SNX29: variants seen among roughly 807,000 people sequenced by gnomAD.
SNX29 encodes the protein sorting nexin 29.
In SNX29, 78 loss-of-function variants were observed where a neutral mutation model predicts 102.1. The ratio of observed to expected loss-of-function variants is 0.76; its 90% CI spans 0.64 to 0.92. The LOEUF is 0.92. SNX29 is among the 40% of genes least tolerant of loss of function. The probability of loss-of-function intolerance (pLI) is 0.00; values close to 1 mark genes in which losing one functional copy is unlikely to be tolerated. For synonymous variants in SNX29, 580 were observed against 414.5 expected, an observed-to-expected ratio of 1.40 and a Z score of -4.85; for missense variants, 1,280 against 1,061.7, an observed-to-expected ratio of 1.21 and a Z score of -2.86.
chr16:12,560,133 C>CCT (rs1212079832), intron 20 of SNX29, among the ~76,000 whole-genome samples: 1 of 102,532 alleles, frequency 9.8e-6, no homozygotes, highest in African/African-American at 3.7e-5. Flanking sequence ...TCTGTGTTCC[C>CCT]CTCCCCCCCC....
At chr16:12,457,785 A>G (rs1331545550) in intron 18 of SNX29, among the ~76,000 whole-genome samples, 1 of 152,188 alleles carries the variant, frequency 6.6e-6, no homozygotes, top group Non-Finnish European at 1.5e-5. Context: ...ATTGAATGCT[A>G]TCTTACGGGC....
At position 12,570,651 on chromosome 16, in the gene SNX29, T is replaced by C; in HGVS notation, c.*2022T>C. ...AAAGGAACCTCCCCCATCTGTGACATTCCCTTGGGCCCAGGCTTATGACCT... is the reference window on the plus strand; with the variant it reads ...AAAGGAACCTCCCCCATCTGTGACACTCCCTTGGGCCCAGGCTTATGACCT... On this transcript the variant is annotated 3_prime_UTR_variant, in exon 21 of 21. Transcript: ENST00000566228. 1 of 231,138 alleles carries C rather than the reference T, an allele frequency of 4.3e-6. No individual in the cohort carries two copies. Among genetic ancestry groups the C allele is most frequent in the Non-Finnish European group, 8.6e-6 (1 of 116,784 alleles). The allele number at this position is 231,138 out of a possible 1,614,324, so 14.3% of individuals were successfully genotyped here. A position where few individuals can be genotyped will look rare whatever the true frequency, so the allele number is the denominator to read the frequency against.
chr16:12,398,347 G>A (rs2030376914), intron 16 of SNX29, 99 bp from the exon 17 acceptor site: 2 of 1,302,740 alleles, frequency 1.5e-6, no homozygotes, highest in South Asian at 1.2e-5. Flanking sequence ...AATAGGAAAT[G>A]TTCAGGGATC....
chr16:12,431,434 C>CTTCTTCTTTTTTTT (rs779738786), intron 18 of SNX29, among the ~76,000 whole-genome samples: 2 of 136,952 alleles, frequency 1.5e-5, no homozygotes, highest in African/African-American at 5.4e-5. Flanking sequence ...TCTTCTTCTT[C>CTTCTTCTTTTTTTT]TTTTTTTTTT....
At chr16:12,549,788 G>C (rs2077850321) in intron 20 of SNX29, among the ~76,000 whole-genome samples, 2 of 152,240 alleles carry the variant, frequency 1.3e-5, no homozygotes, top group African/African-American at 2.4e-5. Context: ...TCTACTTGCA[G>C]ACAAGGCCCA....
intron 15 of SNX29, among the ~76,000 whole-genome samples, chr16:12,340,183 C>T (rs2081571529): frequency 6.6e-6 from 1 of 152,212 alleles, no homozygotes; most frequent in Non-Finnish European, 1.5e-5. Flanking sequence ...TCTCCATCCT[C>T]CTCCCCTTCT....
chr16:12,508,792 T>A (rs2151912171), intron 19 of SNX29, among the ~76,000 whole-genome samples: 1 of 152,302 alleles, frequency 6.6e-6, no homozygotes, highest in African/African-American at 2.4e-5. Context: ...CTCTCCTGGC[T>A]GGCTCTGAAG....
chr16:12,570,583 TG>T lies in SNX29; in HGVS notation c.*1957del. 8.6e-6 allele frequency: 2 copies of T among 232,232 alleles called. No homozygotes were observed. Among genetic ancestry groups the T allele is most frequent in the Non-Finnish European group, 1.7e-5 (2 of 117,436 alleles). 14.4% of individuals were successfully genotyped at this position (232,232 alleles called of 1,614,324 possible). ...CTGTCTCAGGAGTGCCTCCCTGGCCTGGGTAGCTACCCTGGAGGTCATCTCC... is the reference window on the plus strand; with the variant it reads ...CTGTCTCAGGAGTGCCTCCCTGGCCTGGTAGCTACCCTGGAGGTCATCTCC... On this transcript the variant is annotated 3_prime_UTR_variant, in exon 21 of 21. Coordinates refer to ENST00000566228, the MANE Select transcript of SNX29 (RefSeq NM_032167.5).
intron 8 of SNX29, among the ~76,000 whole-genome samples, chr16:12,060,045 T>A (rs1335214094): frequency 6.6e-6 from 1 of 152,208 alleles, no homozygotes; most frequent in African/African-American, 2.4e-5. Flanking sequence ...CAGAATGATG[T>A]TTAAACCTTA....
intron 13 of SNX29, among the ~76,000 whole-genome samples, chr16:12,158,399 C>T (rs965892099): frequency 6.6e-6 from 1 of 152,110 alleles, no homozygotes; most frequent in African/African-American, 2.4e-5. Flanking sequence ...GAGGGTTCAC[C>T]ATGTTGGCCA....
At position 11,976,793 on chromosome 16, in the gene SNX29, C is replaced by T; in HGVS notation, c.-14C>T. 2.9e-6 allele frequency: 4 copies of T among 1,370,938 alleles called. No homozygotes were observed. Among genetic ancestry groups the T allele is most frequent in the Non-Finnish European group, 3.8e-6 (4 of 1,060,844 alleles). The allele number at this position is 1,370,938 out of a possible 1,614,324, so 84.9% of individuals were successfully genotyped here. A position where few individuals can be genotyped will look rare whatever the true frequency, so the allele number is the denominator to read the frequency against. ...CGGCGGCGCGGCGCAGGCACCGGCC[C>T]GGGGAGAGGCACCATGAGCGGTGAG... On this transcript the variant is annotated 5_prime_UTR_variant, in exon 1 of 21. Coordinates refer to ENST00000566228, the MANE Select transcript of SNX29 (RefSeq NM_032167.5).
At chr16:12,457,868 G>A (rs947425014) in intron 18 of SNX29, among the ~76,000 whole-genome samples, 1 of 152,208 alleles carries the variant, frequency 6.6e-6, no homozygotes, top group Non-Finnish European at 1.5e-5. Flanking sequence ...GCATACGGGT[G>A]CAATTTGATT....
chr16:12,536,987 TAAAATAAAAA>T (rs1251033120), intron 20 of SNX29, among the ~76,000 whole-genome samples: 8 of 150,804 alleles, frequency 5.3e-5, no homozygotes, highest in Non-Finnish European at 1.0e-4. Flanking sequence ...CTTAAAAAAA[TAAAATAAAAA>T]GAGTTGTTCA....
At chr16:11,994,344 C>A (rs747279594) in intron 1 of SNX29, among the ~76,000 whole-genome samples, 110 of 152,306 alleles carry the variant, frequency 7.2e-4, no homozygotes, top group Non-Finnish European at 1.1e-3. Context: ...TTCTTGTTCA[C>A]CTGGTTGACT....
chr16:12,122,169 A>G (rs903048322), intron 11 of SNX29, among the ~76,000 whole-genome samples: 1 of 152,118 alleles, frequency 6.6e-6, no homozygotes, highest in African/African-American at 2.4e-5. Context: ...GCAAGTCACT[A>G]TTTCAGTGTG....
At chr16:12,414,865 G>A (rs1341165088) in intron 18 of SNX29, among the ~76,000 whole-genome samples, 1 of 152,152 alleles carries the variant, frequency 6.6e-6, no homozygotes. Context: ...GGGATTACGT[G>A]TGCCCACCAG....
chr16:12,117,719 G>A (rs952477911), intron 11 of SNX29, among the ~76,000 whole-genome samples: 11 of 152,188 alleles, frequency 7.2e-5, no homozygotes, highest in African/African-American at 1.9e-4. Context: ...CATTTTGAAC[G>A]TACTAAAGGC....
chr16:12,419,813 A>G (rs62028392), intron 18 of SNX29, among the ~76,000 whole-genome samples: 5,222 of 152,304 alleles, frequency 0.034, 205 homozygotes, highest in East Asian at 0.21. Context: ...TAGGTGTGAT[A>G]CTGGGTCGGT....
rs1598132128 is a variant in SNX29 at position 12,569,424 on chromosome 16, A to C, written c.*795A>C. 4.3e-6 allele frequency: 1 copy of C among 230,676 alleles called. No homozygotes were observed. The highest frequency in any genetic ancestry group is 2.2e-5 in the African/African-American group (1 of 45,324). 14.3% of individuals were successfully genotyped at this position (230,676 alleles called of 1,614,324 possible). ...GCAACCTAGTAACCCGGCGTCATCC[A>C]GCGTGTCCAAAGTAGCATTGGCCCT... On this transcript the variant is annotated 3_prime_UTR_variant, in exon 21 of 21. Coordinates refer to ENST00000566228, the MANE Select transcript of SNX29 (RefSeq NM_032167.5).
Sources: allele counts gnomAD v4.1 joint callset (sites outside exome capture counted in the v4.1 genomes callset), GRCh38; gene constraint gnomAD v4.1.1; transcripts MANE v1.5; gene names NCBI Gene and HGNC (gene_info 2026-07-23, HGNC 2026-07-21).